The following PDZRN3 variants were observed in gnomAD, a reference collection of about 807,000 sequenced individuals.
PDZRN3 encodes PDZ domain containing ring finger 3.
In PDZRN3, 38 loss-of-function variants were observed where a neutral mutation model predicts 85.7. That is an observed-to-expected ratio of 0.44 (90% CI 0.34 to 0.58). PDZRN3 has a LOEUF of 0.58. PDZRN3 is among the 20% of genes least tolerant of loss of function. The pLI, the probability that PDZRN3 is intolerant of heterozygous loss-of-function variation, is 0.01. For missense variants in PDZRN3, 1,629 were observed against 1,506.4 expected (o/e 1.08, Z -1.35); for synonymous variants, 759 against 638.0 (o/e 1.19, Z -2.86).
At chr3:73,604,006 A>C (rs752964667) in intron 2 of PDZRN3, among the ~76,000 whole-genome samples, 1 of 152,042 alleles carries the variant, frequency 6.6e-6, no homozygotes, top group East Asian at 1.9e-4. Flanking sequence ...CATGACAAAG[A>C]TATGTCTCTA....
At chr3:73,423,962 G>A (rs902375205) in intron 3 of PDZRN3, among the ~76,000 whole-genome samples, 16 of 152,108 alleles carry the variant, frequency 1.1e-4, no homozygotes, top group East Asian at 1.9e-4. Flanking sequence ...GCATTTCCCC[G>A]TGACGAGGAA....
At chr3:73,517,721 C>A (rs563404646) in intron 3 of PDZRN3, among the ~76,000 whole-genome samples, 1 of 152,126 alleles carries the variant, frequency 6.6e-6, no homozygotes, top group Non-Finnish European at 1.5e-5. Flanking sequence ...ACAAGCAAGA[C>A]GATGTAGAGT....
chr3:73,479,291 T>C (rs558149220), intron 3 of PDZRN3, among the ~76,000 whole-genome samples: 2 of 152,268 alleles, frequency 1.3e-5, no homozygotes, highest in Non-Finnish European at 2.9e-5. Flanking sequence ...TGTTTATCAA[T>C]GTTTTCAAGT....
chr3:73,528,916 A>ACG lies in PDZRN3; in HGVS notation c.918+73436_918+73437dup, dbSNP rs202229794. Among the ~76,000 whole-genome samples the ACG allele has an allele frequency of 4.8e-4, 72 of 151,326 alleles. No homozygotes were observed. The East Asian group carries it at 0.014, about 29-fold the overall frequency. On this transcript the variant is annotated intron_variant, in intron 3 of 9. Coordinates refer to ENST00000263666, the MANE Select transcript of PDZRN3 (RefSeq NM_015009.3). ...CACACACACACACACACACACACAC[A>ACG]CGCACATGCACACACAGAGCAAACC... is the stretch of plus-strand genomic sequence containing the variant.
chr3:73,549,606 C>T lies in PDZRN3; in HGVS notation c.918+52748G>A, dbSNP rs574888426. Among the ~76,000 whole-genome samples, 13 of 152,150 alleles carry T rather than the reference C, an allele frequency of 8.5e-5. No homozygotes were observed. The East Asian group carries it at 2.5e-3, about 29-fold the overall frequency. ...TCATAAAGGGTTTTTCACTCAAAGA[C>T]GGAGAGAAGGGTTTGGAAAAGGAAA... On this transcript the variant is annotated intron_variant, in intron 3 of 9. Transcript: ENST00000263666.
In PDZRN3 at chr3:73,624,088, G is replaced by A. The variant is rs1275302745; in HGVS notation, c.723+15C>T. 3 of 1,430,796 alleles carry A rather than the reference G, an allele frequency of 2.1e-6. No individual in the cohort carries two copies. Among genetic ancestry groups the A allele is most frequent in the African/African-American group, 1.5e-5 (1 of 66,658 alleles). The allele number at this position is 1,430,796 out of a possible 1,614,324, so 88.6% of individuals were successfully genotyped here. ...GGATCCTGGCTGGAGGTCGGGGCGG[G>A]CAGCAGGCGCCTACCTTGCCGCCGG... On this transcript the variant is annotated intron_variant, in intron 1 of 9. Coordinates refer to ENST00000263666, the MANE Select transcript of PDZRN3 (RefSeq NM_015009.3).
chr3:73,524,959 T>C (rs981832207), intron 3 of PDZRN3, among the ~76,000 whole-genome samples: 4 of 150,504 alleles, frequency 2.7e-5, no homozygotes, highest in African/African-American at 9.7e-5. Context: ...ATAGATCTGA[T>C]TCATATATAT....
intron 3 of PDZRN3, among the ~76,000 whole-genome samples, chr3:73,410,763 T>C (rs1701950304): frequency 6.6e-6 from 1 of 152,252 alleles, no homozygotes; most frequent in Admixed American, 6.5e-5. Context: ...AAATACTTTC[T>C]TTTCAGATAC....
chr3:73,615,420 T>C (rs981909089), intron 1 of PDZRN3, among the ~76,000 whole-genome samples: 1 of 152,206 alleles, frequency 6.6e-6, no homozygotes, highest in Non-Finnish European at 1.5e-5. Context: ...CACTTACTTA[T>C]GGGGTGTGCT....
At chr3:73,477,006 C>T (rs1703471399) in intron 3 of PDZRN3, among the ~76,000 whole-genome samples, 1 of 152,182 alleles carries the variant, frequency 6.6e-6, no homozygotes, top group African/African-American at 2.4e-5. Context: ...TAGATAACTA[C>T]AGTAACTACC....
At position 73,563,014 on chromosome 3, in the gene PDZRN3, T is replaced by TATATATATATATATATATA. The variant is rs1491432587; in HGVS notation, c.918+39339_918+39340insTATATATATATATATATAT. On this transcript the variant is annotated intron_variant, in intron 3 of 9. Transcript: ENST00000263666. ...ATATATATATATATATATATATATATTTTTTTTTTTTTTTTTTTTTTTGAG... is the reference window on the plus strand; with the variant it reads ...ATATATATATATATATATATATATATATATATATATATATATATATTTTTTTTTTTTTTTTTTTTTTGAG... Among the ~76,000 whole-genome samples the TATATATATATATATATATA allele has an allele frequency of 2.3e-3, 46 of 20,218 alleles. 2 individuals carry two copies. Among genetic ancestry groups the TATATATATATATATATATA allele is most frequent in the South Asian group, 3.4e-3 (1 of 298 alleles). 13.3% of individuals were successfully genotyped at this position (20,218 alleles called of 152,430 possible).
intron 3 of PDZRN3, among the ~76,000 whole-genome samples, chr3:73,576,225 G>C (rs962277578): frequency 6.6e-6 from 1 of 152,256 alleles, no homozygotes; most frequent in African/African-American, 2.4e-5. Flanking sequence ...CCAGTGTTAA[G>C]GATGGGAGAA....
At chr3:73,586,245 GATATCT>G (rs1490720854) in intron 3 of PDZRN3, among the ~76,000 whole-genome samples, 1 of 152,194 alleles carries the variant, frequency 6.6e-6, no homozygotes, top group Non-Finnish European at 1.5e-5. Flanking sequence ...CACTGGGAGA[GATATCT>G]ATTTTAACCC....
At chr3:73,394,901 G>C (rs1036134694) in intron 5 of PDZRN3, among the ~76,000 whole-genome samples, 1 of 152,178 alleles carries the variant, frequency 6.6e-6, no homozygotes, top group African/African-American at 2.4e-5. Context: ...GGATCTGTAC[G>C]GATTTATGGT....
intron 3 of PDZRN3, among the ~76,000 whole-genome samples, chr3:73,436,908 T>A (rs751842891): frequency 6.6e-6 from 1 of 151,892 alleles, no homozygotes; most frequent in Non-Finnish European, 1.5e-5. Context: ...TAGCCAGGTG[T>A]GGTGGCACAC....
intron 3 of PDZRN3, among the ~76,000 whole-genome samples, chr3:73,483,375 T>C (rs558902780): frequency 6.6e-6 from 1 of 152,336 alleles, no homozygotes; most frequent in Admixed American, 6.5e-5. Context: ...CTGGATACTC[T>C]TGTCAACCAT....
At chr3:73,415,156 A>G (rs898319968) in intron 3 of PDZRN3, among the ~76,000 whole-genome samples, 2 of 152,192 alleles carry the variant, frequency 1.3e-5, no homozygotes, top group Admixed American at 1.3e-4. Context: ...GAAGGATGCT[A>G]GGAATCCCAC....
chr3:73,449,810 AC>A (rs1267023532), intron 3 of PDZRN3, among the ~76,000 whole-genome samples: 1 of 152,200 alleles, frequency 6.6e-6, no homozygotes, highest in Non-Finnish European at 1.5e-5. Flanking sequence ...CCTTAAATTG[AC>A]TTCTCGACTA....
chr3:73,425,629 A>T (rs1331836222), intron 3 of PDZRN3, among the ~76,000 whole-genome samples: 1 of 151,866 alleles, frequency 6.6e-6, no homozygotes, highest in East Asian at 1.9e-4. Context: ...TCCCCTTCTC[A>T]CCCAGTGAGT....
Sources: gnomAD v4.1 joint callset for allele counts (sites outside exome capture counted in the v4.1 genomes callset) on GRCh38, gnomAD v4.1.1 for gene constraint, MANE v1.5 for transcripts, NCBI Gene and HGNC (gene_info 2026-07-23, HGNC 2026-07-21) for gene names.